CSF2RA: variants seen among roughly 807,000 people sequenced by gnomAD.
The protein encoded by CSF2RA is colony stimulating factor 2 receptor subunit alpha.
A neutral mutation model predicts 51.6 loss-of-function variants in CSF2RA; 42 were observed. That is an observed-to-expected ratio of 0.81 (90% CI 0.64 to 1.05). CSF2RA has a LOEUF of 1.05. Ranked by LOEUF, CSF2RA falls within the 50% of genes least tolerant of loss-of-function variation. The pLI, the probability that CSF2RA is intolerant of heterozygous loss-of-function variation, is 0.00. For missense variants in CSF2RA, 530 were observed against 501.1 expected (o/e 1.06, Z -0.55); for synonymous variants, 222 against 193.0 (o/e 1.15, Z -1.24).
intron 1 of CSF2RA, among the ~76,000 whole-genome samples, chrX:1,273,932 C>T (rs1489765393): frequency 6.6e-6 from 1 of 151,848 alleles, no homozygotes; most frequent in Non-Finnish European, 1.5e-5. Flanking sequence ...CTTGTTATAC[C>T]GTGGAGCCCT....
At position 1,282,525 on chromosome X, in the gene CSF2RA, A is replaced by G. The variant is rs1414612266; in HGVS notation, c.-26-153A>G. ...GGGAGACAGAATAATGGCCCTGCAG[A>G]CCTTCCCAGCTGGCCATGACCCCTC... On this transcript the variant is annotated intron_variant, in intron 2 of 12. Transcript: ENST00000381529. 4.2e-6 allele frequency: 3 copies of G among 711,272 alleles called. No individual in the cohort carries two copies. In the African/African-American group the frequency reaches 5.2e-5, roughly 12 times the overall value. 44.1% of individuals were successfully genotyped at this position (711,272 alleles called of 1,614,324 possible).
At chrX:1,318,725 G>A in the CSF2RA span, among the ~76,000 whole-genome samples, 4 of 151,134 alleles carry the variant, frequency 2.6e-5, no homozygotes, top group African/African-American at 9.7e-5. Context: ...AGACCCTCCT[G>A]GCTAACACGG....
At chrX:1,307,341 C>T (rs1293847385) in intron 12 of CSF2RA, among the ~76,000 whole-genome samples, 2 of 152,144 alleles carry the variant, frequency 1.3e-5, no homozygotes, top group Non-Finnish European at 1.5e-5. Flanking sequence ...GAATGAGGCC[C>T]ACCCTTCCCC....
the CSF2RA span, among the ~76,000 whole-genome samples, chrX:1,320,888 C>T: frequency 6.6e-6 from 1 of 150,902 alleles, no homozygotes; most frequent in African/African-American, 2.4e-5. Flanking sequence ...CACCCAAGTT[C>T]GAGTACAGTG....
chrX:1,314,818 GTGCCTGCC>G (rs2084455901), downstream of CSF2RA, among the ~76,000 whole-genome samples: 1 of 93,142 alleles, frequency 1.1e-5, no homozygotes, highest in African/African-American at 4.0e-5. Flanking sequence ...CAACCCCACT[GTGCCTGCC>G]CAACCGCACT....
rs775752782 is a variant in CSF2RA, at chrX:1,300,473, TTC to T, written c.811-16_811-15del. ...ACACAGAAGACGCCTATCTCTAACT[TTC>T]TTTTTTCCTCCAAAGATTAATGTTT... On this transcript the variant is annotated splice_polypyrimidine_tract_variant and intron_variant, in intron 9 of 12. Transcript: ENST00000381529. 7 of 1,613,906 alleles carry T rather than the reference TTC, an allele frequency of 4.3e-6. No individual in the cohort carries two copies. The East Asian group carries it at 1.3e-4, about 31-fold the overall frequency.
At chrX:1,305,931 A>T (rs1299320493) in intron 12 of CSF2RA, 3 of 764,028 alleles carry the variant, frequency 3.9e-6, no homozygotes, top group Non-Finnish European at 6.3e-6. Flanking sequence ...AAATACAAAA[A>T]ATTAGCTGGG....
At chrX:1,295,483 C>A (rs1465198641) in intron 9 of CSF2RA, 27 bp downstream of exon 9, 4 of 1,612,904 alleles carry the variant, frequency 2.5e-6, no homozygotes, top group Admixed American at 1.7e-5. Flanking sequence ...ACCCTACTGA[C>A]AACCCTCAGC....
rs1434803907 is a variant in CSF2RA, at chrX:1,300,562, G to A, written c.882G>A (p.Val294=). ...PSSEPRAKHS[V]KIRAADVRIL... ...CTGAGCCCAGAGCAAAACACAGTGT[G>A]AAGATCAGAGCTGCAGACGTCCGCA... Residue 294 remains valine (V), a synonymous_variant, in exon 10 of 13, where the codon GTG becomes GTA. Transcript: ENST00000381529. The A allele has an allele frequency of 1.9e-6, 3 of 1,613,938 alleles. No homozygotes were observed. The East Asian group carries it at 6.7e-5, about 36-fold the overall frequency.
the CSF2RA span, among the ~76,000 whole-genome samples, chrX:1,322,439 G>GTTTTTTTTTT: frequency 2.5e-5 from 3 of 120,688 alleles, no homozygotes; most frequent in African/African-American, 6.3e-5. Context: ...GTGTGTGTTT[G>GTTTTTTTTTT]TTTTTTTTTT....
chrX:1,280,910 T>TC (rs2089870489), intron 2 of CSF2RA, among the ~76,000 whole-genome samples: 32 of 33,262 alleles, frequency 9.6e-4, no homozygotes, highest in African/African-American at 4.2e-3. Flanking sequence ...TCCTGCTCCT[T>TC]CTCCTCCTCC....
intron 12 of CSF2RA, among the ~76,000 whole-genome samples, chrX:1,307,643 C>T (rs2083758306): frequency 1.4e-5 from 2 of 141,342 alleles, no homozygotes; most frequent in South Asian, 2.4e-4. Flanking sequence ...TTTATACCTT[C>T]GACTGATTAG....
chrX:1,324,118 G>T, the CSF2RA span, among the ~76,000 whole-genome samples: 3 of 152,086 alleles, frequency 2.0e-5, no homozygotes, highest in East Asian at 5.8e-4. Context: ...CTGTGAGGTG[G>T]AGGTTGCAGT....
chrX:1,324,524 G>C, the CSF2RA span, among the ~76,000 whole-genome samples: 1 of 135,790 alleles, frequency 7.4e-6, no homozygotes, highest in Non-Finnish European at 1.6e-5. Context: ...AAAGAAGGAA[G>C]GGAGGGAGGG....
At chrX:1,308,597 C>T (rs1412782494) in intron 12 of CSF2RA, among the ~76,000 whole-genome samples, 3 of 152,040 alleles carry the variant, frequency 2.0e-5, no homozygotes, top group East Asian at 1.9e-4. Flanking sequence ...TTGCCCCCAG[C>T]GCCCTCTTCT....
At chrX:1,283,606 T>C (rs1569496436) in intron 3 of CSF2RA, among the ~76,000 whole-genome samples, 1 of 151,352 alleles carries the variant, frequency 6.6e-6, no homozygotes, top group Non-Finnish European at 1.5e-5. Context: ...TCCCTCTTGT[T>C]GCCCAGGCTG....
chrX:1,306,862 G>GGAGAGA (rs60163712), intron 12 of CSF2RA, among the ~76,000 whole-genome samples: 3 of 149,800 alleles, frequency 2.0e-5, no homozygotes, highest in African/African-American at 2.5e-5. Context: ...CACAGAGAGG[G>GGAGAGA]GAGAGAGAGA....
chrX:1,278,577 C>G (rs1369652561), intron 2 of CSF2RA, among the ~76,000 whole-genome samples: 2 of 142,326 alleles, frequency 1.4e-5, no homozygotes, highest in Non-Finnish European at 3.0e-5. Context: ...GTCCCAGCTA[C>G]TCGGAGGCTG....
chrX:1,272,504 T>G (rs2088568962), intron 1 of CSF2RA, among the ~76,000 whole-genome samples: 1 of 149,606 alleles, frequency 6.7e-6, no homozygotes, highest in Non-Finnish European at 1.5e-5. Context: ...TTTTATTTTT[T>G]TGAGACAGCA....
Sources: allele counts gnomAD v4.1 joint callset (sites outside exome capture counted in the v4.1 genomes callset), GRCh38; gene constraint gnomAD v4.1.1; transcripts MANE v1.5; gene names NCBI Gene and HGNC (gene_info 2026-07-23, HGNC 2026-07-21).